ADAMTS17: variants seen among roughly 807,000 people sequenced by gnomAD.
ADAMTS17 encodes the protein A disintegrin and metalloproteinase with thrombospondin motifs 17.
ADAMTS17 carries 113 observed loss-of-function variants against 141.5 expected under a neutral mutation model. The observed-to-expected ratio is 0.80, with a 90% CI of 0.69 to 0.93. The LOEUF (loss-of-function observed/expected upper bound fraction) is 0.93, where lower values mean the gene tolerates loss of function less well. Ranked by LOEUF, ADAMTS17 falls within the 40% of genes least tolerant of loss-of-function variation. ADAMTS17 has a pLI of 0.00. For missense variants in ADAMTS17, 1,659 were observed against 1,517.9 expected, an observed-to-expected ratio of 1.09 and a Z score of -1.54; for synonymous variants, 768 against 630.6, an observed-to-expected ratio of 1.22 and a Z score of -3.27.
chr15:100,282,138 T>C (rs778290873), intron 3 of ADAMTS17, among the ~76,000 whole-genome samples: 1 of 152,348 alleles, frequency 6.6e-6, no homozygotes, highest in East Asian at 1.9e-4. Flanking sequence ...ATAGTCTTTG[T>C]ACATGGAAAC....
At chr15:100,307,050 A>AG (rs773911766) in intron 3 of ADAMTS17, among the ~76,000 whole-genome samples, 3 of 152,214 alleles carry the variant, frequency 2.0e-5, no homozygotes, top group Admixed American at 6.5e-5. Context: ...TGGGTTCAGG[A>AG]GAAAAAGGCA....
At chr15:100,110,167 G>GTA (rs67651654) in intron 13 of ADAMTS17, among the ~76,000 whole-genome samples, 20 of 140,532 alleles carry the variant, frequency 1.4e-4, no homozygotes, top group Non-Finnish European at 1.8e-4. Flanking sequence ...GAAAGACTCA[G>GTA]TATATATATA....
intron 12 of ADAMTS17, among the ~76,000 whole-genome samples, chr15:100,118,238 G>A (rs2037263571): frequency 6.6e-6 from 1 of 152,256 alleles, no homozygotes; most frequent in African/African-American, 2.4e-5. Context: ...TAAAAGAACA[G>A]GCATGGCTGT....
At chr15:100,329,135 G>A (rs964404509) in intron 3 of ADAMTS17, among the ~76,000 whole-genome samples, 2 of 152,120 alleles carry the variant, frequency 1.3e-5, no homozygotes, top group African/African-American at 2.4e-5. Flanking sequence ...CCCAGGTGAT[G>A]CTAAGGTACA....
chr15:99,985,949 T>A (rs1003771825), intron 20 of ADAMTS17, among the ~76,000 whole-genome samples: 23 of 152,242 alleles, frequency 1.5e-4, no homozygotes, highest in Non-Finnish European at 3.4e-4. Flanking sequence ...GCTGACTTCA[T>A]ACCTGCCCAG....
At chr15:100,052,380 T>C (rs935539607) in intron 16 of ADAMTS17, among the ~76,000 whole-genome samples, 1 of 152,216 alleles carries the variant, frequency 6.6e-6, no homozygotes, top group Non-Finnish European at 1.5e-5. Context: ...TTTTAAAATC[T>C]TGAAGTGACA....
At position 100,059,822 on chromosome 15, in the gene ADAMTS17, C is replaced by T. The variant is rs368278550; in HGVS notation, c.2138-5768G>A. On this transcript the variant is annotated intron_variant, in intron 15 of 21. Coordinates refer to ENST00000268070, the MANE Select transcript of ADAMTS17 (RefSeq NM_139057.4). ...AGGCCCATGAGGCTGCAGCTCCAGG[C>T]ACCTCTGGAGGAGTCCTTTCCACAG... is the stretch of plus-strand genomic sequence containing the variant. 1.1e-4 allele frequency among the ~76,000 whole-genome samples: 16 copies of T among 152,284 alleles called. No homozygotes were observed. The East Asian group carries it at 2.7e-3, about 26-fold the overall frequency.
chr15:100,158,563 C>G (rs1309813373), intron 8 of ADAMTS17, among the ~76,000 whole-genome samples: 1 of 152,112 alleles, frequency 6.6e-6, no homozygotes, highest in African/African-American at 2.4e-5. Context: ...CACTGAAACT[C>G]GATGCTTACT....
intron 20 of ADAMTS17, chr15:99,978,458 G>A (rs924404679): frequency 2.6e-5 from 4 of 152,270 alleles, no homozygotes; most frequent in African/African-American, 9.6e-5. Context: ...TGACCCGAGA[G>A]GCCAGGCCAA....
At chr15:100,263,150 G>C (rs1024215465) in intron 4 of ADAMTS17, among the ~76,000 whole-genome samples, 2 of 152,174 alleles carry the variant, frequency 1.3e-5, no homozygotes, top group East Asian at 1.9e-4. Flanking sequence ...TCATGCTTGG[G>C]GTTTAAGGCG....
At chr15:100,160,443 G>A (rs900801112) in intron 8 of ADAMTS17, among the ~76,000 whole-genome samples, 1 of 152,096 alleles carries the variant, frequency 6.6e-6, no homozygotes, top group East Asian at 1.9e-4. Flanking sequence ...CTGGGAGGAT[G>A]GTCTCCTCAT....
chr15:100,169,609 G>A lies in ADAMTS17; in HGVS notation c.1182-14289C>T, dbSNP rs75383370. On this transcript the variant is annotated intron_variant, in intron 8 of 21. Transcript: ENST00000268070. ...CATGCATTGAACCTCCATACACGGT[G>A]CAGTCACTGAGGATGCAATTGCCCC... 3.3e-5 allele frequency among the ~76,000 whole-genome samples: 5 copies of A among 152,294 alleles called. No homozygotes were observed. In the South Asian group the frequency reaches 8.3e-4, roughly 25 times the overall value.
chr15:100,291,366 T>C (rs542379731), intron 3 of ADAMTS17, among the ~76,000 whole-genome samples: 1 of 152,182 alleles, frequency 6.6e-6, no homozygotes, highest in Non-Finnish European at 1.5e-5. Context: ...GGCGAGGTTG[T>C]AGAGAAAAGG....
At chr15:100,119,246 C>A (rs1175055322) in intron 12 of ADAMTS17, among the ~76,000 whole-genome samples, 2 of 152,078 alleles carry the variant, frequency 1.3e-5, no homozygotes, top group East Asian at 1.9e-4. Context: ...TTGAAGCCGC[C>A]TGGTTGGGGG....
chr15:100,079,509 A>C (rs1199578397), intron 15 of ADAMTS17, among the ~76,000 whole-genome samples: 3 of 152,220 alleles, frequency 2.0e-5, no homozygotes, highest in Admixed American at 2.0e-4. Context: ...GTAGATACAG[A>C]CATTAGATGA....
chr15:100,307,424 A>C (rs1401570009), intron 3 of ADAMTS17, among the ~76,000 whole-genome samples: 2 of 152,216 alleles, frequency 1.3e-5, no homozygotes, highest in African/African-American at 4.8e-5. Context: ...AGAGTGAAAC[A>C]AAAGAAAGAG....
chr15:100,133,445 C>A, intron 10 of ADAMTS17, 130 bp from the exon 11 acceptor site: 1 of 834,598 alleles, frequency 1.2e-6, no homozygotes, highest in South Asian at 1.5e-5. Flanking sequence ...GCCAGAGGGT[C>A]ATAAGTCTGT....
intron 18 of ADAMTS17, among the ~76,000 whole-genome samples, chr15:100,013,614 A>G (rs1242615601): frequency 2.0e-5 from 3 of 152,166 alleles, no homozygotes; most frequent in African/African-American, 7.2e-5. Context: ...ATTTTGTCAA[A>G]TGCTTTCTCT....
intron 18 of ADAMTS17, among the ~76,000 whole-genome samples, chr15:100,007,283 G>A (rs562204248): frequency 7.9e-5 from 12 of 152,286 alleles, no homozygotes; most frequent in Admixed American, 7.2e-4. Context: ...AGTCTGGGAT[G>A]TCTGGTCCAC....
Sources: allele counts gnomAD v4.1 joint callset (sites outside exome capture counted in the v4.1 genomes callset), GRCh38; gene constraint gnomAD v4.1.1; transcripts MANE v1.5; gene names NCBI Gene and HGNC (gene_info 2026-07-23, HGNC 2026-07-21).